The following RASGRP3 variants were observed in gnomAD, a reference collection of about 807,000 sequenced individuals.
RASGRP3 encodes the protein RAS guanyl releasing protein 3.
A neutral mutation model predicts 82.7 loss-of-function variants in RASGRP3; 54 were observed. The observed-to-expected ratio is 0.65, with a 90% CI of 0.52 to 0.82. RASGRP3 has a LOEUF of 0.82. RASGRP3 is among the 40% of genes least tolerant of loss of function. The pLI, the probability that RASGRP3 is intolerant of heterozygous loss-of-function variation, is 0.00. For synonymous variants in RASGRP3, 309 were observed against 300.5 expected (o/e 1.03, Z -0.29); for missense variants, 861 against 828.9 (o/e 1.04, Z -0.48).
intron 13 of RASGRP3, among the ~76,000 whole-genome samples, chr2:33,548,941 G>T (rs1408720327): frequency 6.6e-6 from 1 of 152,026 alleles, no homozygotes; most frequent in Non-Finnish European, 1.5e-5. Context: ...CGCCCACCTT[G>T]GCCTCCCAAA....
At chr2:33,524,141 G>A (rs1026272116) in intron 8 of RASGRP3, 89 bp downstream of exon 8, 7 of 1,432,748 alleles carry the variant, frequency 4.9e-6, no homozygotes, top group Non-Finnish European at 3.8e-6. Context: ...GGCGTTCACA[G>A]TATAAGGGCA....
chr2:33,558,071 C>T, intron 15 of RASGRP3, 140 bp from the exon 16 acceptor site: 3 of 1,134,300 alleles, frequency 2.6e-6, no homozygotes, highest in South Asian at 1.5e-5. Context: ...TAGACACACC[C>T]CATGGGCCTG....
intron 1 of RASGRP3, among the ~76,000 whole-genome samples, chr2:33,440,865 G>A (rs1665186724): frequency 6.6e-6 from 1 of 152,006 alleles, no homozygotes; most frequent in Non-Finnish European, 1.5e-5. Flanking sequence ...TTCATCTTGA[G>A]GTTGGACATT....
intron 12 of RASGRP3, among the ~76,000 whole-genome samples, chr2:33,541,787 A>G (rs1268165790): frequency 6.8e-6 from 1 of 146,678 alleles, no homozygotes; most frequent in Admixed American, 7.0e-5. Flanking sequence ...TTTTGGTTCA[A>G]TTTTTTTGCA....
At chr2:33,444,448 C>G (rs658692) in intron 1 of RASGRP3, among the ~76,000 whole-genome samples, 146,130 of 152,292 alleles carry the variant, frequency 0.96, 70,192 homozygotes, top group Admixed American at 0.98. Context: ...TGTATTTTAT[C>G]CTTACTGCAT....
chr2:33,554,135 GAAGT>G (rs1209967972), intron 14 of RASGRP3, among the ~76,000 whole-genome samples: 1 of 152,196 alleles, frequency 6.6e-6, no homozygotes, highest in African/African-American at 2.4e-5. Flanking sequence ...TTGTCAAAAA[GAAGT>G]AAGGAGCAGT....
At chr2:33,487,500 A>T (rs989688099) in intron 1 of RASGRP3, among the ~76,000 whole-genome samples, 29 of 152,190 alleles carry the variant, frequency 1.9e-4, no homozygotes, top group Admixed American at 1.7e-3. Flanking sequence ...TTTTAATTTG[A>T]ATAATCAGCA....
chr2:33,531,513 G>A (rs1018142503), intron 10 of RASGRP3, among the ~76,000 whole-genome samples: 2 of 152,146 alleles, frequency 1.3e-5, no homozygotes, highest in Admixed American at 6.5e-5. Context: ...GCATTGACTG[G>A]AAGCCAAACC....
At chr2:33,537,192 G>GATATAT (rs113536892) in intron 11 of RASGRP3, among the ~76,000 whole-genome samples, 3 of 145,766 alleles carry the variant, frequency 2.1e-5, no homozygotes, top group South Asian at 2.2e-4. Context: ...GAACTAATAG[G>GATATAT]ATATATATAT....
At chr2:33,449,560 G>T (rs1476665363) in intron 2 of RASGRP3, among the ~76,000 whole-genome samples, 1 of 152,180 alleles carries the variant, frequency 6.6e-6, no homozygotes, top group Non-Finnish European at 1.5e-5. Context: ...AGGAGATTGA[G>T]ACCATTGTGG....
intron 1 of RASGRP3, among the ~76,000 whole-genome samples, chr2:33,479,934 A>G (rs1327295373): frequency 6.6e-6 from 1 of 152,158 alleles, no homozygotes; most frequent in Non-Finnish European, 1.5e-5. Flanking sequence ...AAATCAAGCA[A>G]GTATGCCATG....
At chr2:33,545,754 A>G (rs1279260811) in intron 13 of RASGRP3, among the ~76,000 whole-genome samples, 1 of 151,628 alleles carries the variant, frequency 6.6e-6, no homozygotes, top group Non-Finnish European at 1.5e-5. Context: ...ATGCAAATCA[A>G]AACTACGATG....
intron 2 of RASGRP3, among the ~76,000 whole-genome samples, chr2:33,459,979 A>T (rs1231783764): frequency 6.6e-6 from 1 of 152,230 alleles, no homozygotes; most frequent in Non-Finnish European, 1.5e-5. Context: ...GAGTTCGGTC[A>T]AGGAAAGAAT....
chr2:33,499,655 A>G (rs1177739617), intron 1 of RASGRP3, among the ~76,000 whole-genome samples: 1 of 152,186 alleles, frequency 6.6e-6, no homozygotes, highest in African/African-American at 2.4e-5. Context: ...AAATATTTAC[A>G]TAAATGATTT....
At chr2:33,467,732 C>T (rs1271113076) in intron 2 of RASGRP3, among the ~76,000 whole-genome samples, 1 of 152,158 alleles carries the variant, frequency 6.6e-6, no homozygotes, top group Non-Finnish European at 1.5e-5. Context: ...GTTGTACTAT[C>T]TGACAGTGCC....
At chr2:33,450,082 C>A (rs540116702) in intron 2 of RASGRP3, among the ~76,000 whole-genome samples, 2 of 152,066 alleles carry the variant, frequency 1.3e-5, no homozygotes, top group Non-Finnish European at 2.9e-5. Flanking sequence ...CTTTTCTTAT[C>A]GTTATTTCCA....
At chr2:33,559,636 T>C in intron 17 of RASGRP3, 1 of 518,564 alleles carries the variant, frequency 1.9e-6, no homozygotes. Context: ...CAAGATGGAG[T>C]TAGATAAATT....
intron 13 of RASGRP3, among the ~76,000 whole-genome samples, chr2:33,546,857 G>C (rs958085444): frequency 1.3e-5 from 2 of 151,876 alleles, no homozygotes; most frequent in Non-Finnish European, 2.9e-5. Flanking sequence ...CACCTGAGTC[G>C]GGAGCTCGAG....
At chr2:33,455,243 T>G (rs1665979431) in intron 2 of RASGRP3, among the ~76,000 whole-genome samples, 1 of 152,244 alleles carries the variant, frequency 6.6e-6, no homozygotes, top group Non-Finnish European at 1.5e-5. Flanking sequence ...TTATTTCAAT[T>G]CTTCTTAAGA....
Sources: gnomAD v4.1 joint callset for allele counts (sites outside exome capture counted in the v4.1 genomes callset) on GRCh38, gnomAD v4.1.1 for gene constraint, MANE v1.5 for transcripts, NCBI Gene and HGNC (gene_info 2026-07-23, HGNC 2026-07-21) for gene names.